The following P3H3 variants were observed in gnomAD, a reference collection of about 807,000 sequenced individuals.
P3H3 encodes prolyl 3-hydroxylase 3, also known as gene rich cluster, B.
In P3H3, 64 loss-of-function variants were observed where a neutral mutation model predicts 78.1. The ratio of observed to expected loss-of-function variants is 0.82; its 90% CI spans 0.67 to 1.01. P3H3 has a LOEUF of 1.01. Among genes scored for constraint, P3H3 ranks in the 50% least tolerant of loss-of-function variants. The pLI, the probability that P3H3 is intolerant of heterozygous loss-of-function variation, is 0.00. For synonymous variants in P3H3, 425 were observed against 416.7 expected (o/e 1.02, Z -0.24); for missense variants, 975 against 982.2 (o/e 0.99, Z 0.10).
At position 6,839,385 on chromosome 12, in the gene P3H3, C is replaced by T. The variant is rs1943537044; in HGVS notation, c.2135C>T (p.Pro712Leu). The stretch of plus-strand genomic sequence containing the variant: ...GAAATGCCCAGCAAAGACCCTTCCC[C>T]AGAGCCCCCTAGCCGCAGGCACCAG... ...EEEMPSKDPS[P>L]EPPSRRHQRV... The change falls in exon 15 of 15, where the codon CCA becomes CTA. Residue 712 changes from proline (P) to leucine (L), a missense_variant. Transcript: ENST00000290510. 1 of 1,552,906 alleles carries T rather than the reference C, an allele frequency of 6.4e-7. No individual in the cohort carries two copies. The highest frequency in any genetic ancestry group is 8.7e-7 in the Non-Finnish European group (1 of 1,147,674).
Position 6,829,398 on chromosome 12 carries a change from G to T in P3H3, c.498+460G>T. ...TGGGGTCCTCCGAGGCCAGACCTCT[G>T]CGGGCGGGGAGGGGACAGCACGCCG... On this transcript the variant is annotated intron_variant, in intron 1 of 14. Transcript: ENST00000290510. The surrounding 1 kb of genome is among the most constrained non-coding windows in gnomAD (Gnocchi z 5.1). The T allele has an allele frequency of 4.3e-6, 1 of 234,516 alleles. No individual in the cohort carries two copies. The highest frequency in any genetic ancestry group is 8.3e-6 in the Non-Finnish European group (1 of 120,822). The allele number at this position is 234,516 out of a possible 1,614,324, so 14.5% of individuals were successfully genotyped here.
In P3H3 at chr12:6,839,153, G is replaced by T; in HGVS notation, c.2046+13G>T. 1 of 1,591,664 alleles carries T rather than the reference G, an allele frequency of 6.3e-7. No individual in the cohort carries two copies. Among genetic ancestry groups the T allele is most frequent in the Non-Finnish European group, 8.5e-7 (1 of 1,171,478 alleles). ...GCACAGGGAGCAGGTAAGGAGCGGG[G>T]TAGGAAGGGATGTGGTTCTCCTGGT... On this transcript the variant is annotated intron_variant, in intron 14 of 14. Transcript: ENST00000290510.
At position 6,830,704 on chromosome 12, in the gene P3H3, C is replaced by A. The variant is rs782454836; in HGVS notation, c.919C>A (p.Arg307Ser). 6.2e-7 allele frequency: 1 copy of A among 1,613,804 alleles called. No individual in the cohort carries two copies. Among genetic ancestry groups the A allele is most frequent in the South Asian group, 1.1e-5 (1 of 91,050 alleles). Residue 307 changes from arginine to serine, a missense_variant, in exon 4 of 15, where the codon CGC becomes AGC. By Grantham distance (110) the Arg-to-Ser change is moderately radical (BLOSUM62 -1). Transcript: ENST00000290510. ...GGGGGAAACAGCCACACGCCCTGGT[C>A]GCAGCTTCCCTGTCCCAGACTTCCT... ...CVGETATRPG[R>S]SFPVPDFLPN...
rs1222520865 is a variant in P3H3 at position 6,831,406 on chromosome 12, C to A, written c.1122+54C>A. On this transcript the variant is annotated intron_variant, in intron 5 of 14. Coordinates refer to ENST00000290510, the MANE Select transcript of P3H3 (RefSeq NM_014262.5). The surrounding 1 kb of genome is among the most constrained non-coding windows in gnomAD (Gnocchi z 4.6). ...GGTAGCCCCAAATCAAACAAATAGA[C>A]CTGAGAAGTAACCTGGACCCCCACC... 2.3e-5 allele frequency: 37 copies of A among 1,607,054 alleles called. No homozygotes were observed. In the African/African-American group the frequency reaches 4.4e-4, roughly 19 times the overall value.
Position 6,831,021 on chromosome 12 carries a change from C to G in P3H3, c.986-195C>G, listed in dbSNP as rs924943298. 2.3e-6 allele frequency: 2 copies of G among 855,852 alleles called. No homozygotes were observed. Among genetic ancestry groups the G allele is most frequent in the African/African-American group, 3.3e-5 (2 of 59,984 alleles). 53.0% of individuals were successfully genotyped at this position (855,852 alleles called of 1,614,324 possible). On this transcript the variant is annotated intron_variant, in intron 4 of 14. Coordinates refer to ENST00000290510, the MANE Select transcript of P3H3 (RefSeq NM_014262.5). This position sits in a 1 kb window ranked among gnomAD's most constrained non-coding sequence, Gnocchi z 4.6. The stretch of plus-strand genomic sequence containing the variant: ...TTCCCCCCTCTTGCTCTTCTTTGAA[C>G]TCTCCAGCTAAGGTATGTTTGCACC...
intron 9 of P3H3, among the ~76,000 whole-genome samples, 158 bp from the exon 10 acceptor site, chr12:6,836,827 C>A (rs781880878): frequency 2.7e-4 from 41 of 152,318 alleles, no homozygotes; most frequent in Admixed American, 7.2e-4. Flanking sequence ...TGGGCACTCT[C>A]TGGGAAAGAG....
At chr12:6,837,626 G>C in intron 11 of P3H3, 53 bp downstream of exon 11, 4 of 1,592,386 alleles carry the variant, frequency 2.5e-6, no homozygotes, top group South Asian at 1.1e-5. Flanking sequence ...CTGCCCCCAG[G>C]ACACTGCCCC....
At chr12:6,832,276 T>C (rs188452365) in intron 6 of P3H3, among the ~76,000 whole-genome samples, 5 of 152,230 alleles carry the variant, frequency 3.3e-5, no homozygotes, top group Non-Finnish European at 7.3e-5. Flanking sequence ...CTTGTAGTTA[T>C]GAGAGGAAAC....
chr12:6,837,791 G>A lies in P3H3; in HGVS notation c.1771G>A (p.Asp591Asn). The A allele has an allele frequency of 4.3e-6, 7 of 1,613,490 alleles. No homozygotes were observed. The highest frequency in any genetic ancestry group is 5.9e-6 in the Non-Finnish European group (7 of 1,179,710). ...HPVHADNCVL[D>N]PDTGECWREP... ...AGTGCACGCAGACAACTGCGTCCTG[G>A]ACCCTGACACGGGAGAGTGCTGGCG... Residue 591 changes from aspartate (D) to asparagine (N), a missense_variant, in exon 12 of 15, where the codon GAC becomes AAC. Transcript: ENST00000290510.
chr12:6,834,168 C>G (rs953061828), intron 9 of P3H3, 119 bp downstream of exon 9: 22 of 1,442,212 alleles, frequency 1.5e-5, no homozygotes, highest in Non-Finnish European at 1.9e-5. Flanking sequence ...CGGGACTGTG[C>G]TTACCACTGC....
Position 6,831,270 on chromosome 12 carries a change from C to A in P3H3, c.1040C>A (p.Pro347Gln), listed in dbSNP as rs782279393. ...ENVLSVLLFY[P>Q]EDEAAKRALN... ...GTCCTGAGTGTCCTGCTCTTCTACC[C>A]GGAGGATGAGGCTGCCAAGAGGGCT... The change falls in exon 5 of 15, where the codon CCG becomes CAG. Residue 347 changes from proline (P) to glutamine (Q), a missense_variant. Transcript: ENST00000290510. The surrounding 1 kb of genome is among the most constrained non-coding windows in gnomAD (Gnocchi z 4.6). The A allele has an allele frequency of 6.2e-7, 1 of 1,613,862 alleles. No individual in the cohort carries two copies. Among genetic ancestry groups the A allele is most frequent in the South Asian group, 1.1e-5 (1 of 91,074 alleles).
chr12:6,836,262 C>T (rs1163188629), intron 9 of P3H3, among the ~76,000 whole-genome samples: 1 of 147,018 alleles, frequency 6.8e-6, no homozygotes, highest in Non-Finnish European at 1.5e-5. Context: ...CCAGGTTAGA[C>T]GGCTTGGGTG....
At chr12:6,832,403 G>A (rs1374648378) in intron 6 of P3H3, among the ~76,000 whole-genome samples, 1 of 152,094 alleles carries the variant, frequency 6.6e-6, no homozygotes, top group African/African-American at 2.4e-5. Flanking sequence ...TTGGGGCAGA[G>A]GGCAGGGCCT....
Position 6,837,505 on chromosome 12 carries a change from C to T in P3H3, c.1643C>T (p.Ala548Val). The stretch of plus-strand genomic sequence containing the variant: ...GAGCGGGTGCGGACCTTGACCCAGG[C>T]CTACTTCTCCCCGGAACGGCCCCTG... ...VSERVRTLTQAYFSPERPLHL... is the reference protein window; with the variant it reads ...VSERVRTLTQVYFSPERPLHL... The change falls in exon 11 of 15, where the codon GCC becomes GTC. Residue 548 changes from alanine to valine, a missense_variant. Transcript: ENST00000290510. 1 of 1,611,756 alleles carries T rather than the reference C, an allele frequency of 6.2e-7. No individual in the cohort carries two copies. The highest frequency in any genetic ancestry group is 8.5e-7 in the Non-Finnish European group (1 of 1,179,058).
rs267603649 is a variant in P3H3 at position 6,833,596 on chromosome 12, C to T, written c.1217C>T (p.Pro406Leu). 1 of 1,613,840 alleles carries T rather than the reference C, an allele frequency of 6.2e-7. No individual in the cohort carries two copies. Among genetic ancestry groups the T allele is most frequent in the Non-Finnish European group, 8.5e-7 (1 of 1,179,794 alleles). ...TGCTTTTCTGGACTGTCGCAGGACC[C>T]CTGGACCCCTGCAGCTCTCATCCCT... ...HLGTSFKDPD[P>L]WTPAALIPEA... The change falls in exon 7 of 15, where the codon CCC becomes CTC. Residue 406 changes from proline to leucine, a missense_variant. Pro to Leu is a moderately conservative substitution (Grantham distance 98, BLOSUM62 -3). Coordinates refer to ENST00000290510, the MANE Select transcript of P3H3 (RefSeq NM_014262.5).
In P3H3 at chr12:6,839,630, G is replaced by A; in HGVS notation, c.*169G>A. 3.4e-6 allele frequency: 3 copies of A among 879,042 alleles called. No homozygotes were observed. Among genetic ancestry groups the A allele is most frequent in the Non-Finnish European group, 5.1e-6 (3 of 592,876 alleles). The allele number at this position is 879,042 out of a possible 1,614,324, so 54.5% of individuals were successfully genotyped here. On this transcript the variant is annotated 3_prime_UTR_variant, in exon 15 of 15. Coordinates refer to ENST00000290510, the MANE Select transcript of P3H3 (RefSeq NM_014262.5). Reference sequence around the variant, plus strand: ...TACAAGGGCCTGGACTCAGAGGACAGTGCACAGGCTAGCCTGGAGCTCACC... The same window carrying A: ...TACAAGGGCCTGGACTCAGAGGACAATGCACAGGCTAGCCTGGAGCTCACC...
At position 6,830,670 on chromosome 12, in the gene P3H3, A is replaced by G. The variant is rs1555121245; in HGVS notation, c.885A>G (p.Gln295=). 4 of 1,613,368 alleles carry G rather than the reference A, an allele frequency of 2.5e-6. No individual in the cohort carries two copies. Among genetic ancestry groups the G allele is most frequent in the South Asian group, 2.2e-5 (2 of 91,002 alleles). The change falls in exon 4 of 15, where the codon CAA becomes CAG. Residue 295 remains glutamine (Q), a synonymous_variant. Transcript: ENST00000290510. ...GHWIQVLQCR[Q]RCVGETATRP... is the part of the protein sequence containing the mutation. ...GGATTCAGGTCCTGCAGTGCCGGCA[A>G]CGCTGTGTGGGGGAAACAGCCACAC...
chr12:6,830,274 A>G, intron 2 of P3H3, 79 bp from the exon 3 acceptor site: 1 of 1,399,240 alleles, frequency 7.1e-7, no homozygotes. Context: ...CCCAAATGAG[A>G]CCAACACCCC....
rs782191397 is a variant in P3H3 at position 6,833,813 on chromosome 12, A to G, written c.1333+4A>G. The G allele has an allele frequency of 1.9e-6, 3 of 1,611,596 alleles. No individual in the cohort carries two copies. The highest frequency in any genetic ancestry group is 1.3e-5 in the African/African-American group (1 of 74,992). ...AAGCCCTTGACCTACTGGAAGGGTGAGTTCCTGGGAGGGAGAAGGCAGGAG... is the reference window on the plus strand; with the variant it reads ...AAGCCCTTGACCTACTGGAAGGGTGGGTTCCTGGGAGGGAGAAGGCAGGAG... On this transcript the variant is annotated splice_donor_region_variant and intron_variant, in intron 8 of 14. Transcript: ENST00000290510.
Sources: allele counts gnomAD v4.1 joint callset (sites outside exome capture counted in the v4.1 genomes callset), GRCh38; gene constraint gnomAD v4.1.1; non-coding constraint Gnocchi (gnomAD v3.1); transcripts MANE v1.5; gene names NCBI Gene and HGNC (gene_info 2026-07-23, HGNC 2026-07-21).